FRMD4B: variants seen among roughly 807,000 people sequenced by gnomAD.
The protein encoded by FRMD4B is FERM domain-containing protein 4B.
In FRMD4B, 74 loss-of-function variants were observed where a neutral mutation model predicts 141.5. The ratio of observed to expected loss-of-function variants is 0.52; its 90% confidence interval spans 0.43 to 0.63. The LOEUF (loss-of-function observed/expected upper bound fraction) is 0.63. FRMD4B is among the 30% of genes least tolerant of loss of function. FRMD4B has a pLI of 0.00. For synonymous variants in FRMD4B, 506 were observed against 467.9 expected, an observed-to-expected ratio of 1.08 and a Z score of -1.05; for missense variants, 1,366 against 1,253.4, an observed-to-expected ratio of 1.09 and a Z score of -1.36.
chr3:69,409,055 T>C (rs1472814295), intron 2 of FRMD4B, among the ~76,000 whole-genome samples: 1 of 152,170 alleles, frequency 6.6e-6, no homozygotes, highest in African/African-American at 2.4e-5. Context: ...GTGAGGAATA[T>C]ATGCAGAGTG....
At chr3:69,229,722 A>G (rs2107778945) in intron 7 of FRMD4B, among the ~76,000 whole-genome samples, 1 of 152,296 alleles carries the variant, frequency 6.6e-6, no homozygotes, top group Non-Finnish European at 1.5e-5. Context: ...ATTAATTACC[A>G]ATACACAATG....
intron 11 of FRMD4B, among the ~76,000 whole-genome samples, chr3:69,206,019 A>G (rs1390409824): frequency 6.6e-6 from 1 of 152,192 alleles, no homozygotes; most frequent in Non-Finnish European, 1.5e-5. Context: ...ACGCTGTGGT[A>G]GTGAATGTTT....
At chr3:69,391,248 A>AT (rs71115691) in intron 2 of FRMD4B, among the ~76,000 whole-genome samples, 22,551 of 149,762 alleles carry the variant, frequency 0.15, 1,868 homozygotes, top group Admixed American at 0.23. Flanking sequence ...ATTTATTTTT[A>AT]TTTTTTTTTA....
chr3:69,260,147 C>T (rs751893642), intron 5 of FRMD4B, among the ~76,000 whole-genome samples: 15 of 152,144 alleles, frequency 9.9e-5, no homozygotes, highest in Non-Finnish European at 2.1e-4. Context: ...CCTCCTTGGC[C>T]TCGGTGTCCA....
intron 5 of FRMD4B, among the ~76,000 whole-genome samples, chr3:69,267,620 TATATATATATATATATAGAGAGAGAGAG>T (rs2093571369): frequency 3.3e-3 from 112 of 33,550 alleles, no homozygotes; most frequent in South Asian, 8.8e-3. Context: ...TATATATATA[TATATATATATATATATAGAGAGAGAGAG>T]AGAGAGAGAG....
chr3:69,506,705 A>G (rs1003729255), intron 1 of FRMD4B, among the ~76,000 whole-genome samples: 2 of 151,624 alleles, frequency 1.3e-5, no homozygotes, highest in Non-Finnish European at 2.9e-5. Context: ...AGCTACAGCT[A>G]ATTTTTTTGG....
chr3:69,237,240 G>T (rs1223535201), intron 7 of FRMD4B, among the ~76,000 whole-genome samples: 1 of 152,232 alleles, frequency 6.6e-6, no homozygotes, highest in Non-Finnish European at 1.5e-5. Flanking sequence ...GCCGGGAAAG[G>T]AAACACCCAG....
chr3:69,542,066 A>G (rs563591363), intron 1 of FRMD4B: 62 of 151,686 alleles, frequency 4.1e-4, no homozygotes, highest in African/African-American at 1.5e-3. Context: ...CGCTCTCCCA[A>G]ACTCCTGGGA....
At position 69,262,459 on chromosome 3, in the gene FRMD4B, CTTTTTTT is replaced by C. The variant is rs71618271; in HGVS notation, c.502-12367_502-12361del. Among the ~76,000 whole-genome samples the C allele has an allele frequency of 2.2e-4, 19 of 86,854 alleles. No homozygotes were observed. The South Asian group carries it at 2.9e-3, about 13-fold the overall frequency. The allele number at this position is 86,854 out of a possible 152,430, so 57.0% of individuals were successfully genotyped here. On this transcript the variant is annotated intron_variant, in intron 5 of 22. Coordinates refer to ENST00000398540, the MANE Select transcript of FRMD4B (RefSeq NM_015123.3). ...CAAATACTGCAAGGTACACAAATGA[CTTTTTTT>C]TTTTTTTTTTTTTTTTTTTGAGATG...
intron 13 of FRMD4B, 65 bp downstream of exon 13, chr3:69,196,835 G>C: frequency 8.2e-7 from 1 of 1,225,402 alleles, no homozygotes; most frequent in Non-Finnish European, 1.2e-6. Context: ...TTGTGAGAAG[G>C]CTTATCTTCT....
chr3:69,441,070 A>G (rs1331075923), intron 1 of FRMD4B, among the ~76,000 whole-genome samples: 1 of 152,094 alleles, frequency 6.6e-6, no homozygotes, highest in East Asian at 1.9e-4. Flanking sequence ...ATTTTTTTGA[A>G]ACCCAAATCT....
chr3:69,468,120 C>T (rs544198931), intron 1 of FRMD4B, among the ~76,000 whole-genome samples: 10 of 152,288 alleles, frequency 6.6e-5, no homozygotes, highest in African/African-American at 1.7e-4. Flanking sequence ...TGCTACCTTA[C>T]ATTCTGTTGC....
rs369834473 is a variant in FRMD4B at position 69,182,609 on chromosome 3, G to C, written c.2028C>G (p.Ser676Arg). The C allele has an allele frequency of 6.2e-7, 1 of 1,609,792 alleles. No homozygotes were observed. Among genetic ancestry groups the C allele is most frequent in the Non-Finnish European group, 8.5e-7 (1 of 1,178,854 alleles). Residue 676 changes from serine (S) to arginine (R), a missense_variant, in exon 20 of 23, where the codon AGC becomes AGG. By Grantham distance (110) the Ser-to-Arg change is moderately radical (BLOSUM62 -1). Transcript: ENST00000398540. ...TPVLTRNAYS[S>R]SHLEPESSSQ... ...AGAAGCTCTCTTACTCCAAGTGGCT[G>C]CTGCTGTAGGCGTTTCGGGTAAGAA...
intron 18 of FRMD4B, among the ~76,000 whole-genome samples, chr3:69,188,617 C>T (rs896651160): frequency 6.6e-5 from 10 of 151,478 alleles, no homozygotes; most frequent in Non-Finnish European, 1.0e-4. Context: ...ATTAGCCGGG[C>T]GCGGTGGCGG....
In FRMD4B at chr3:69,248,362, G is replaced by T. The variant is rs375490106; in HGVS notation, c.581+864C>A. ...CATCCTTGAACATTCTACCAAAGCCGAATGGGAAGATGAGGAGAGTGTTGG... is the reference window on the plus strand; with the variant it reads ...CATCCTTGAACATTCTACCAAAGCCTAATGGGAAGATGAGGAGAGTGTTGG... On this transcript the variant is annotated intron_variant, in intron 7 of 22. Coordinates refer to ENST00000398540, the MANE Select transcript of FRMD4B (RefSeq NM_015123.3). Among the ~76,000 whole-genome samples, 42 of 152,264 alleles carry T rather than the reference G, an allele frequency of 2.8e-4. No homozygotes were observed. In the East Asian group the frequency reaches 6.9e-3, roughly 25 times the overall value.
chr3:69,447,608 T>C (rs572604269), intron 1 of FRMD4B, among the ~76,000 whole-genome samples: 3 of 152,204 alleles, frequency 2.0e-5, no homozygotes, highest in Non-Finnish European at 4.4e-5. Flanking sequence ...AAGTATATAA[T>C]GTGTAGTGAT....
At position 69,539,918 on chromosome 3, in the gene FRMD4B, T is replaced by C. The variant is rs370591894; in HGVS notation, c.-129+2288A>G. 1.2e-4 allele frequency among the ~76,000 whole-genome samples: 18 copies of C among 152,314 alleles called. No individual in the cohort carries two copies. The East Asian group carries it at 2.9e-3, about 25-fold the overall frequency. On this transcript the variant is annotated intron_variant, in intron 1 of 5. Transcript: ENST00000459638. ...CAAAAAGGAAGAATTGGCCGGGCCCTGTGGCTCACGCCTGTAATCCCAGCA... is the reference window on the plus strand; with the variant it reads ...CAAAAAGGAAGAATTGGCCGGGCCCCGTGGCTCACGCCTGTAATCCCAGCA...
In FRMD4B at chr3:69,218,401, C is replaced by G. The variant is rs1195808376; in HGVS notation, c.732-22G>C. 11 of 1,137,080 alleles carry G rather than the reference C, an allele frequency of 9.7e-6. No homozygotes were observed. The East Asian group carries it at 1.9e-4, about 20-fold the overall frequency. 70.4% of individuals were successfully genotyped at this position (1,137,080 alleles called of 1,614,324 possible). On this transcript the variant is annotated intron_variant, in intron 9 of 22. Transcript: ENST00000398540. The stretch of plus-strand genomic sequence containing the variant: ...ATACCTATGGAAAATAAATATGTAT[C>G]ACAATCTTATTAAAATAGTTAGAGG...
chr3:69,202,479 TA>T (rs1185152077), intron 11 of FRMD4B, among the ~76,000 whole-genome samples: 2,464 of 126,902 alleles, frequency 0.019, 15 homozygotes, highest in African/African-American at 0.024. Context: ...ATTAGAGACT[TA>T]AAAAAAAAAA....
Sources: allele counts gnomAD v4.1 joint callset (sites outside exome capture counted in the v4.1 genomes callset), GRCh38; gene constraint gnomAD v4.1.1; transcripts MANE v1.5; gene names NCBI Gene and HGNC (gene_info 2026-07-23, HGNC 2026-07-21).